CENPW: variants seen among roughly 807,000 people sequenced by gnomAD.
CENPW encodes the protein centromere protein W, also known as cancer-up-regulated gene 2 protein.
Under a neutral mutation model 11.1 loss-of-function variants are expected in CENPW, and 3 were observed. That is an observed-to-expected ratio of 0.27 (90% CI 0.12 to 0.70). The LOEUF (loss-of-function observed/expected upper bound fraction) is 0.70, where lower values mean the gene tolerates loss of function less well. Ranked by LOEUF, CENPW falls within the 30% of genes least tolerant of loss-of-function variation. The pLI, the probability that CENPW is intolerant of heterozygous loss-of-function variation, is 0.77. For synonymous variants in CENPW, 38 were observed against 42.0 expected (o/e 0.91, Z 0.37); for missense variants, 100 against 105.6 (o/e 0.95, Z 0.23).
At chr6:126,385,962 C>T in the CENPW span, among the ~76,000 whole-genome samples, 322 of 152,118 alleles carry the variant, frequency 2.1e-3, no homozygotes, top group African/African-American at 7.6e-3. Flanking sequence ...AATAGGTAAG[C>T]TAAACTTTCA....
chr6:126,417,709 G>A, the CENPW span, among the ~76,000 whole-genome samples: 1 of 152,180 alleles, frequency 6.6e-6, no homozygotes, highest in African/African-American at 2.4e-5. Context: ...GGAACAGTAA[G>A]TCCATTAAAC....
the CENPW span, among the ~76,000 whole-genome samples, chr6:126,452,659 A>G: frequency 6.6e-6 from 1 of 151,108 alleles, no homozygotes; most frequent in African/African-American, 2.4e-5. Context: ...TAAAATATCT[A>G]AAATTCATGC....
At chr6:126,450,460 A>G in the CENPW span, among the ~76,000 whole-genome samples, 1 of 151,136 alleles carries the variant, frequency 6.6e-6, no homozygotes, top group Non-Finnish European at 1.5e-5. Context: ...CTGATGTCAT[A>G]CAACCAGTAA....
the CENPW span, among the ~76,000 whole-genome samples, chr6:126,439,614 A>C: frequency 6.6e-6 from 1 of 151,652 alleles, no homozygotes; most frequent in African/African-American, 2.4e-5. Flanking sequence ...ACAACTGACC[A>C]CTAATATTTG....
At chr6:126,448,225 C>T in the CENPW span, among the ~76,000 whole-genome samples, 6 of 151,118 alleles carry the variant, frequency 4.0e-5, no homozygotes, top group East Asian at 2.0e-4. Flanking sequence ...GGATCTCTAG[C>T]GGTGCAGCCC....
the CENPW span, among the ~76,000 whole-genome samples, chr6:126,377,869 C>T: frequency 2.7e-5 from 4 of 150,418 alleles, no homozygotes; most frequent in African/African-American, 9.7e-5. Context: ...TTGCTTTGCA[C>T]AGCAACTAGA....
the CENPW span, among the ~76,000 whole-genome samples, chr6:126,358,256 G>T: frequency 3.3e-5 from 5 of 152,162 alleles, no homozygotes; most frequent in South Asian, 1.0e-3. Flanking sequence ...AATAGGAGTG[G>T]TTAGATTGGG....
chr6:126,356,518 T>C, the CENPW span, among the ~76,000 whole-genome samples: 1 of 152,124 alleles, frequency 6.6e-6, no homozygotes, highest in Non-Finnish European at 1.5e-5. Context: ...ATAATTATGT[T>C]TTGTTAACAG....
the CENPW span, among the ~76,000 whole-genome samples, chr6:126,389,052 G>T: frequency 4.3e-4 from 66 of 151,964 alleles, no homozygotes; most frequent in African/African-American, 1.4e-3. Flanking sequence ...TTTTCCCCAA[G>T]ACTTAATTTT....
chr6:126,436,924 A>C, the CENPW span, among the ~76,000 whole-genome samples: 3 of 151,866 alleles, frequency 2.0e-5, no homozygotes, highest in South Asian at 2.1e-4. Context: ...AGATGTATGA[A>C]TTGATAGTTT....
At chr6:126,463,729 C>A in the CENPW span, among the ~76,000 whole-genome samples, 1 of 151,824 alleles carries the variant, frequency 6.6e-6, no homozygotes, top group Non-Finnish European at 1.5e-5. Flanking sequence ...GACACAAATA[C>A]CAAAAAGTCA....
At chr6:126,445,145 G>A in the CENPW span, among the ~76,000 whole-genome samples, 1 of 151,048 alleles carries the variant, frequency 6.6e-6, no homozygotes. Context: ...CCACTAGAGA[G>A]GACACTTTAT....
the CENPW span, among the ~76,000 whole-genome samples, chr6:126,405,804 G>A: frequency 2.0e-5 from 3 of 151,944 alleles, no homozygotes; most frequent in Non-Finnish European, 4.4e-5. Context: ...TTCATTATTT[G>A]TGTATAGAAA....
At chr6:126,440,843 G>GA in the CENPW span, among the ~76,000 whole-genome samples, 1 of 151,492 alleles carries the variant, frequency 6.6e-6, no homozygotes, top group African/African-American at 2.4e-5. Context: ...AAGGTATTCA[G>GA]AAAGAATGGT....
At chr6:126,364,291 G>A in the CENPW span, among the ~76,000 whole-genome samples, 2 of 152,092 alleles carry the variant, frequency 1.3e-5, no homozygotes, top group Admixed American at 6.6e-5. Flanking sequence ...CTTGTGTCAC[G>A]TTCAAAGGAA....
chr6:126,461,004 GA>G, the CENPW span, among the ~76,000 whole-genome samples: 1 of 151,870 alleles, frequency 6.6e-6, no homozygotes, highest in Non-Finnish European at 1.5e-5. Context: ...CTGGCAGATA[GA>G]AGATGTTGAC....
At chr6:126,358,286 T>C in the CENPW span, among the ~76,000 whole-genome samples, 5 of 152,304 alleles carry the variant, frequency 3.3e-5, no homozygotes, top group Admixed American at 6.5e-5. Flanking sequence ...CTGGTTCCAG[T>C]TCTCAAGAGG....
At chr6:126,409,707 T>G in the CENPW span, among the ~76,000 whole-genome samples, 1 of 152,102 alleles carries the variant, frequency 6.6e-6, no homozygotes, top group Non-Finnish European at 1.5e-5. Flanking sequence ...GCTTGTTTTA[T>G]CCAATGTAAG....
the CENPW span, among the ~76,000 whole-genome samples, chr6:126,453,356 C>T: frequency 6.0e-5 from 9 of 151,138 alleles, no homozygotes; most frequent in Non-Finnish European, 8.9e-5. Context: ...ATGCTAACCA[C>T]GGACCTTTCA....
Sources: allele counts gnomAD v4.1 joint callset (sites outside exome capture counted in the v4.1 genomes callset), GRCh38; gene constraint gnomAD v4.1.1; transcripts MANE v1.5; gene names NCBI Gene and HGNC (gene_info 2026-07-23, HGNC 2026-07-21).